Variants in PDGFC observed in about 807,000 individuals in gnomAD.
The protein encoded by PDGFC is platelet derived growth factor C, also known as platelet-derived growth factor C.
Under a neutral mutation model 35.5 loss-of-function variants are expected in PDGFC, and 12 were observed. That is an observed-to-expected ratio of 0.34 (90% CI 0.22 to 0.55). The LOEUF is 0.55. Ranked by LOEUF, PDGFC falls within the 20% of genes least tolerant of loss-of-function variation. The probability of loss-of-function intolerance (pLI) is 0.91; values close to 1 mark genes in which losing one functional copy is unlikely to be tolerated. For missense variants in PDGFC, 322 were observed against 412.4 expected, an observed-to-expected ratio of 0.78 and a Z score of 1.90; for synonymous variants, 159 against 148.8, an observed-to-expected ratio of 1.07 and a Z score of -0.50.
chr4:156,861,964 G>C (rs1053105952), intron 1 of PDGFC, among the ~76,000 whole-genome samples: 1 of 152,062 alleles, frequency 6.6e-6, no homozygotes, highest in Non-Finnish European at 1.5e-5. Flanking sequence ...CATATGGTAA[G>C]GTGACTCTTG....
At chr4:156,906,954 A>G (rs956354552) in intron 1 of PDGFC, among the ~76,000 whole-genome samples, 49 of 152,330 alleles carry the variant, frequency 3.2e-4, no homozygotes, top group African/African-American at 1.1e-3. Context: ...TGATGAACTA[A>G]CATGGATGCA....
At chr4:156,865,960 T>G (rs553143485) in intron 1 of PDGFC, among the ~76,000 whole-genome samples, 1 of 152,276 alleles carries the variant, frequency 6.6e-6, no homozygotes, top group South Asian at 2.1e-4. Context: ...TTTTTTAAAT[T>G]TTATTATTAT....
chr4:156,960,014 T>G (rs1732303804), intron 1 of PDGFC, among the ~76,000 whole-genome samples: 2 of 151,934 alleles, frequency 1.3e-5, no homozygotes, highest in South Asian at 4.1e-4. Flanking sequence ...TTATCATGGC[T>G]TAAAACCTCA....
At chr4:156,876,002 C>T (rs1443459834) in intron 1 of PDGFC, among the ~76,000 whole-genome samples, 1 of 152,072 alleles carries the variant, frequency 6.6e-6, no homozygotes, top group African/African-American at 2.4e-5. Flanking sequence ...TAATAGAGTA[C>T]ACAAAGAAAG....
At chr4:156,872,503 A>C (rs1730009245) in intron 1 of PDGFC, among the ~76,000 whole-genome samples, 1 of 152,194 alleles carries the variant, frequency 6.6e-6, no homozygotes, top group Admixed American at 6.5e-5. Flanking sequence ...CCCTTAGTAC[A>C]CACTCCTCTC....
rs755511812 is a variant in PDGFC at position 156,772,786 on chromosome 4, T to A, written c.603A>T (p.Arg201=). ...TAFSTLEDLI[R]YLEPERWQLD... ...ACTGCCATCTCTCTGGTTCAAGATA[T>A]CGAATAAGGTCTTCCAAGGTACTAA... Residue 201 remains arginine, a synonymous_variant, in exon 4 of 6, where the codon CGA becomes CGT. Coordinates refer to ENST00000502773, the MANE Select transcript of PDGFC (RefSeq NM_016205.3). The A allele has an allele frequency of 1.2e-6, 2 of 1,613,042 alleles. No individual in the cohort carries two copies. Among genetic ancestry groups the A allele is most frequent in the East Asian group, 2.2e-5 (1 of 44,840 alleles).
chr4:156,793,961 T>C (rs955525536), intron 3 of PDGFC, among the ~76,000 whole-genome samples: 1 of 152,080 alleles, frequency 6.6e-6, no homozygotes, highest in African/African-American at 2.4e-5. Context: ...TTGGTTAAGG[T>C]CAGTAACTGA....
chr4:156,840,000 G>C (rs1190495998), intron 2 of PDGFC, among the ~76,000 whole-genome samples: 2 of 152,152 alleles, frequency 1.3e-5, no homozygotes, highest in African/African-American at 4.8e-5. Context: ...AAGCATTCAA[G>C]AGGTGACAGA....
At chr4:156,911,861 A>G (rs1365296514) in intron 1 of PDGFC, among the ~76,000 whole-genome samples, 1 of 152,178 alleles carries the variant, frequency 6.6e-6, no homozygotes, top group Non-Finnish European at 1.5e-5. Flanking sequence ...AGCAAAAGTT[A>G]TATGTCCTAT....
rs58079519 is a variant in PDGFC at position 156,947,743 on chromosome 4, A to T, written c.118+23043T>A. Among the ~76,000 whole-genome samples, 74 of 152,124 alleles carry T rather than the reference A, an allele frequency of 4.9e-4. 2 individuals carry two copies. In the East Asian group the frequency reaches 0.012, roughly 25 times the overall value. ...GTTTAGTGTCATAAGCACAATCTGC[A>T]GTGTTTCTTCCAAAAACTAAATAAT... is the stretch of plus-strand genomic sequence containing the variant. On this transcript the variant is annotated intron_variant, in intron 1 of 5. Coordinates refer to ENST00000502773, the MANE Select transcript of PDGFC (RefSeq NM_016205.3).
intron 3 of PDGFC, among the ~76,000 whole-genome samples, chr4:156,803,043 A>G (rs888410798): frequency 6.6e-6 from 1 of 152,168 alleles, no homozygotes; most frequent in Admixed American, 6.6e-5. Context: ...AAACGTCAAA[A>G]GGAATACTCA....
chr4:156,961,316 G>A (rs184791884), intron 1 of PDGFC, among the ~76,000 whole-genome samples: 1 of 152,098 alleles, frequency 6.6e-6, no homozygotes, highest in South Asian at 2.1e-4. Context: ...AACAACAGGA[G>A]ATAAGTACCA....
At position 156,949,208 on chromosome 4, in the gene PDGFC, T is replaced by C. The variant is rs185354351; in HGVS notation, c.118+21578A>G. 5.4e-4 allele frequency among the ~76,000 whole-genome samples: 82 copies of C among 152,080 alleles called. No homozygotes were observed. The Middle Eastern group carries it at 0.014, about 25-fold the overall frequency. ...AAAGATTCATGATTATTCTTTTAAA[T>C]ACTCAAAGCATTTAAATATGTGTAT... On this transcript the variant is annotated intron_variant, in intron 1 of 5. Coordinates refer to ENST00000502773, the MANE Select transcript of PDGFC (RefSeq NM_016205.3).
intron 1 of PDGFC, among the ~76,000 whole-genome samples, chr4:156,945,382 TA>T: frequency 8.6e-6 from 1 of 116,054 alleles, no homozygotes; most frequent in African/African-American, 3.7e-5. Flanking sequence ...TATATATATA[TA>T]TATATATAAT....
intron 3 of PDGFC, among the ~76,000 whole-genome samples, chr4:156,780,220 A>G (rs1207602725): frequency 6.6e-6 from 1 of 151,944 alleles, no homozygotes; most frequent in Non-Finnish European, 1.5e-5. Context: ...GTTTGACAAC[A>G]AAGTATCGCA....
At chr4:156,956,931 AG>A (rs1732226503) in intron 1 of PDGFC, among the ~76,000 whole-genome samples, 3 of 152,014 alleles carry the variant, frequency 2.0e-5, no homozygotes, top group Admixed American at 2.0e-4. Flanking sequence ...GGTTTCCACA[AG>A]ATAGGTACCA....
intron 1 of PDGFC, among the ~76,000 whole-genome samples, chr4:156,942,782 A>G (rs114695076): frequency 0.029 from 4,368 of 150,566 alleles, 182 homozygotes; most frequent in African/African-American, 0.095. Context: ...ATATATAATT[A>G]TGTATAATTG....
chr4:156,912,876 T>C (rs1405819592), intron 1 of PDGFC, among the ~76,000 whole-genome samples: 2 of 152,030 alleles, frequency 1.3e-5, no homozygotes, highest in Non-Finnish European at 2.9e-5. Context: ...GGAATGCTGC[T>C]AAAATAGCTG....
chr4:156,840,895 A>T (rs952887641), intron 2 of PDGFC, among the ~76,000 whole-genome samples: 5 of 152,188 alleles, frequency 3.3e-5, no homozygotes, highest in Non-Finnish European at 7.3e-5. Flanking sequence ...TACATGCTAT[A>T]GCCCCTATGT....
Sources: gnomAD v4.1 joint callset for allele counts (sites outside exome capture counted in the v4.1 genomes callset) on GRCh38, gnomAD v4.1.1 for gene constraint, MANE v1.5 for transcripts, NCBI Gene and HGNC (gene_info 2026-07-23, HGNC 2026-07-21) for gene names.